The following NTM variants were observed in gnomAD, a reference collection of about 807,000 sequenced individuals.
NTM encodes neurotrimin.
NTM carries 13 observed loss-of-function variants against 42.1 expected under a neutral mutation model. The ratio of observed to expected loss-of-function variants is 0.31; its 90% CI spans 0.20 to 0.49. NTM has a LOEUF of 0.49. Among genes scored for constraint, NTM ranks in the 20% least tolerant of loss-of-function variants. The probability of loss-of-function intolerance (pLI) is 0.99; values close to 1 mark genes in which losing one functional copy is unlikely to be tolerated. For missense variants in NTM, 373 were observed against 452.8 expected (o/e 0.82, Z 1.60); for synonymous variants, 187 against 179.2 (o/e 1.04, Z -0.35).
At chr11:131,962,060 T>C (rs538905092) in intron 2 of NTM, among the ~76,000 whole-genome samples, 1 of 152,110 alleles carries the variant, frequency 6.6e-6, no homozygotes, top group Non-Finnish European at 1.5e-5. Flanking sequence ...GCCTAGGTGG[T>C]TTGTGGGTGC....
At chr11:132,037,779 G>A (rs998284659) in intron 2 of NTM, among the ~76,000 whole-genome samples, 4 of 152,110 alleles carry the variant, frequency 2.6e-5, no homozygotes, top group African/African-American at 9.7e-5. Context: ...TCTTCTTTTG[G>A]ATGTCTTTGA....
At chr11:131,873,288 A>G (rs576117381) in intron 1 of NTM, among the ~76,000 whole-genome samples, 1 of 151,594 alleles carries the variant, frequency 6.6e-6, no homozygotes, top group South Asian at 2.1e-4. Context: ...GCATGTTCTC[A>G]CTCATAAGTG....
intron 1 of NTM, chr11:131,796,043 G>A (rs2091519358): frequency 1.0e-5 from 10 of 985,394 alleles, no homozygotes; most frequent in Non-Finnish European, 1.1e-5. Context: ...TGTGCATCGA[G>A]GTGTAATGAT....
At chr11:132,174,875 T>C (rs185094562) in intron 3 of NTM, among the ~76,000 whole-genome samples, 105 of 152,240 alleles carry the variant, frequency 6.9e-4, no homozygotes, top group Admixed American at 1.6e-3. Context: ...AGAGAGGTTA[T>C]TGTCAGGCAG....
chr11:131,858,646 A>T (rs2046335234), intron 1 of NTM, among the ~76,000 whole-genome samples: 1 of 152,170 alleles, frequency 6.6e-6, no homozygotes, highest in African/African-American at 2.4e-5. Context: ...CTTTGTTCTC[A>T]CCTAAGCGGA....
At chr11:132,018,874 T>C (rs1483921349) in intron 2 of NTM, among the ~76,000 whole-genome samples, 1 of 152,052 alleles carries the variant, frequency 6.6e-6, no homozygotes, top group Non-Finnish European at 1.5e-5. Context: ...AGATTTTTCA[T>C]TGCTAATTTA....
intron 1 of NTM, chr11:131,605,806 C>T (rs756755750): frequency 2.0e-4 from 195 of 984,934 alleles, no homozygotes; most frequent in Non-Finnish European, 2.2e-4. Context: ...TTCAACAGTT[C>T]CTTGGTAGAC....
At chr11:131,782,251 T>C (rs1591800040) in intron 1 of NTM, among the ~76,000 whole-genome samples, 1 of 152,094 alleles carries the variant, frequency 6.6e-6, no homozygotes, top group African/African-American at 2.4e-5. Flanking sequence ...AATAAGGTTG[T>C]ATAATAAAAA....
chr11:131,820,356 T>A (rs944196823), intron 1 of NTM, among the ~76,000 whole-genome samples: 1 of 152,234 alleles, frequency 6.6e-6, no homozygotes, highest in Non-Finnish European at 1.5e-5. Flanking sequence ...GCCTGCTCCA[T>A]GTCTTAACTC....
intron 1 of NTM, among the ~76,000 whole-genome samples, chr11:131,701,656 T>G (rs574314927): frequency 3.9e-5 from 6 of 152,318 alleles, no homozygotes; most frequent in African/African-American, 1.4e-4. Context: ...TCCTCAACCT[T>G]ACCATCCTCA....
chr11:132,177,610 A>C (rs968338149), intron 3 of NTM, among the ~76,000 whole-genome samples: 2 of 152,196 alleles, frequency 1.3e-5, no homozygotes, highest in African/African-American at 4.8e-5. Flanking sequence ...CTAACAAGCA[A>C]CTTCTTGGCA....
intron 1 of NTM, among the ~76,000 whole-genome samples, chr11:131,383,313 A>G (rs752154507): frequency 5.3e-5 from 8 of 152,244 alleles, no homozygotes; most frequent in Non-Finnish European, 1.2e-4. Context: ...AGGCAGGCAT[A>G]GTTCCTGCAC....
chr11:131,930,009 T>C lies in NTM; in HGVS notation c.167+18361T>C, dbSNP rs370768427. Among the ~76,000 whole-genome samples, 4 of 152,244 alleles carry C rather than the reference T, an allele frequency of 2.6e-5. No individual in the cohort carries two copies. The East Asian group carries it at 7.7e-4, about 29-fold the overall frequency. ...TTGCTTTAAAAAAGTATATAATTAC[T>C]GTTCATTTGGTGTTGATGTTATTGC... On this transcript the variant is annotated intron_variant, in intron 2 of 8. Transcript: ENST00000683400.
Position 131,924,645 on chromosome 11 carries a change from C to G in NTM, c.167+12997C>G, listed in dbSNP as rs2057703629. Reference sequence around the variant, plus strand: ...TTGATGTCCAAAATTACCTTGGAAACCTGTGTCCTGTTTGGCGAGCTCCAT... The same window carrying G: ...TTGATGTCCAAAATTACCTTGGAAAGCTGTGTCCTGTTTGGCGAGCTCCAT... On this transcript the variant is annotated intron_variant, in intron 2 of 8. Coordinates refer to ENST00000683400, the MANE Select transcript of NTM (RefSeq NM_001352005.2). 3.9e-5 allele frequency among the ~76,000 whole-genome samples: 5 copies of G among 129,310 alleles called. No individual in the cohort carries two copies. In the South Asian group the frequency reaches 1.1e-3, roughly 30 times the overall value. 84.8% of individuals were successfully genotyped at this position (129,310 alleles called of 152,430 possible). A position where few individuals can be genotyped will look rare whatever the true frequency, so the allele number is the denominator to read the frequency against.
intron 1 of NTM, among the ~76,000 whole-genome samples, chr11:131,378,978 G>A (rs192332986): frequency 5.8e-4 from 89 of 152,298 alleles, no homozygotes; most frequent in African/African-American, 1.9e-3. Context: ...CTCCTGTGGT[G>A]TATGCCGGAG....
At chr11:131,408,702 A>G (rs1188199767) in intron 1 of NTM, among the ~76,000 whole-genome samples, 1 of 152,124 alleles carries the variant, frequency 6.6e-6, no homozygotes, top group African/African-American at 2.4e-5. Flanking sequence ...TTGGCACACA[A>G]AGATTCTAAC....
chr11:132,126,244 T>C (rs2065815902), intron 2 of NTM, among the ~76,000 whole-genome samples: 1 of 152,136 alleles, frequency 6.6e-6, no homozygotes, highest in Non-Finnish European at 1.5e-5. Flanking sequence ...AGCAGGGAGA[T>C]ACTGTTTCTC....
chr11:131,623,078 C>G (rs1210638341), intron 1 of NTM, among the ~76,000 whole-genome samples: 1 of 152,170 alleles, frequency 6.6e-6, no homozygotes, highest in Admixed American at 6.5e-5. Flanking sequence ...CATGGGGTGC[C>G]CATAGACACA....
chr11:131,926,966 A>ATTGTGAAAT (rs1230090967), intron 2 of NTM, among the ~76,000 whole-genome samples: 1 of 152,214 alleles, frequency 6.6e-6, no homozygotes, highest in African/African-American at 2.4e-5. Flanking sequence ...AAGATATTAC[A>ATTGTGAAAT]TTGTGAAATT....
Sources: gnomAD v4.1 joint callset for allele counts (sites outside exome capture counted in the v4.1 genomes callset) on GRCh38, gnomAD v4.1.1 for gene constraint, MANE v1.5 for transcripts, NCBI Gene and HGNC (gene_info 2026-07-23, HGNC 2026-07-21) for gene names.